Variants in STAG2 observed in about 807,000 individuals in gnomAD.
The protein encoded by STAG2 is STAG2 cohesin complex component.
STAG2 carries 14 observed loss-of-function variants against 108.1 expected under a neutral mutation model. The observed-to-expected ratio is 0.13, with a 90% CI of 0.09 to 0.20. The LOEUF is 0.20. STAG2 is among the 10% of genes least tolerant of loss of function. The probability of loss-of-function intolerance (pLI) is 1.00; values close to 1 mark genes in which losing one functional copy is unlikely to be tolerated. For missense variants in STAG2, 440 were observed against 940.9 expected, an observed-to-expected ratio of 0.47 and a Z score of 6.96; for synonymous variants, 307 against 302.7, an observed-to-expected ratio of 1.01 and a Z score of -0.15.
At chrX:124,018,661 C>T (rs1038114218) in intron 1 of STAG2, among the ~76,000 whole-genome samples, 1 of 110,284 alleles carries the variant, frequency 9.1e-6, no homozygotes, top group Non-Finnish European at 1.9e-5. Context: ...CCATCATGCC[C>T]GGCTGATTTT....
At chrX:123,978,442 A>G (rs1027841361) in intron 1 of STAG2, among the ~76,000 whole-genome samples, 4 of 110,767 alleles carry the variant, frequency 3.6e-5, no homozygotes, top group African/African-American at 1.3e-4. Context: ...ATGCTACACT[A>G]CCATACTGCT....
chrX:123,999,065 C>G (rs187483510), intron 1 of STAG2, among the ~76,000 whole-genome samples: 1 of 111,760 alleles, frequency 8.9e-6, no homozygotes, highest in Non-Finnish European at 1.9e-5. Flanking sequence ...TGACAGTGCT[C>G]TCCAGCCTGG....
At chrX:124,066,045 G>A (rs2058514802) in intron 21 of STAG2, 99 bp downstream of exon 21, 9 of 926,353 alleles carry the variant, frequency 9.7e-6, no homozygotes, top group Middle Eastern at 3.3e-4. Context: ...TGTTGTTGTC[G>A]TTGTGGGGGC....
chrX:124,047,333 A>ACTTTTACT, intron 8 of STAG2, 21 bp from the exon 9 acceptor site: 1 of 1,158,926 alleles, frequency 8.6e-7, no homozygotes. Context: ...GTTTCACCAT[A>ACTTTTACT]CTTTTACTCT....
chrX:124,056,650 G>A (rs772089083), intron 14 of STAG2, among the ~76,000 whole-genome samples: 13 of 101,520 alleles, frequency 1.3e-4, no homozygotes, highest in Admixed American at 5.5e-4. Flanking sequence ...GGAGAATGGC[G>A]TGAACTCGGG....
intron 10 of STAG2, among the ~76,000 whole-genome samples, chrX:124,049,300 C>T (rs865786702): frequency 1.8e-5 from 2 of 111,522 alleles, no homozygotes; most frequent in African/African-American, 6.5e-5. Context: ...GCTTGACTTG[C>T]AGCCAGTAGA....
intron 1 of STAG2, among the ~76,000 whole-genome samples, chrX:124,003,979 T>A (rs190300323): frequency 1.1e-3 from 124 of 112,174 alleles, no homozygotes; most frequent in African/African-American, 3.8e-3. Flanking sequence ...TTGCTTTAAC[T>A]TTTTTATGGT....
chrX:124,081,202 A>G (rs1259513501), intron 27 of STAG2, among the ~76,000 whole-genome samples, 178 bp from the exon 28 acceptor site: 1 of 112,335 alleles, frequency 8.9e-6, no homozygotes, highest in African/African-American at 3.2e-5. Flanking sequence ...AAAAACCTCC[A>G]GTTTAAATAT....
intron 9 of STAG2, among the ~76,000 whole-genome samples, chrX:124,048,225 T>A (rs969831248): frequency 8.9e-6 from 1 of 111,974 alleles, no homozygotes; most frequent in Non-Finnish European, 1.9e-5. Flanking sequence ...TAGCTAATTT[T>A]AAATTGGTTA....
intron 1 of STAG2, among the ~76,000 whole-genome samples, chrX:123,991,106 A>G (rs1021705136): frequency 3.1e-4 from 35 of 111,642 alleles, no homozygotes; most frequent in African/African-American, 1.0e-3. Flanking sequence ...CACTGGGGGG[A>G]GAGAGTATGT....
chrX:124,051,489 A>G (rs1410665249), intron 13 of STAG2, 95 bp downstream of exon 13: 8 of 588,570 alleles, frequency 1.4e-5, no homozygotes, highest in Non-Finnish European at 2.0e-5. Context: ...TCTAAATTTT[A>G]GTAGCTTACG....
At chrX:124,022,056 TACA>T (rs1458006996) in intron 2 of STAG2, among the ~76,000 whole-genome samples, 2 of 111,089 alleles carry the variant, frequency 1.8e-5, no homozygotes, top group African/African-American at 3.3e-5. Context: ...CTGCGAGTGT[TACA>T]ACAAGTCCAT....
chrX:124,101,536 T>G lies in STAG2; in HGVS notation c.*939T>G. ...TTATAATTGCGCAGTTTGTTTAGTT[T>G]TTTCTTACTTTTAAATTCCAACTTA... On this transcript the variant is annotated 3_prime_UTR_variant, in exon 35 of 35. Coordinates refer to ENST00000371145, the MANE Select transcript of STAG2 (RefSeq NM_001042750.2). The G allele has an allele frequency of 6.5e-6, 1 of 154,472 alleles. No individual in the cohort carries two copies. Among genetic ancestry groups the G allele is most frequent in the Non-Finnish European group, 1.3e-5 (1 of 78,323 alleles). The allele number at this position is 154,472 out of a possible 1,213,427, so 12.7% of individuals were successfully genotyped here.
rs1234415766 is a variant in STAG2, at chrX:123,984,140, C to T, written c.-163+22284C>T. Among the ~76,000 whole-genome samples the T allele has an allele frequency of 2.3e-4, 25 of 107,326 alleles. 1 individual carries two copies. The highest frequency in any genetic ancestry group is 5.8e-5 in the Non-Finnish European group (3 of 52,048). The allele number at this position is 107,326 out of a possible 115,157, so 93.2% of individuals were successfully genotyped here. A position where few individuals can be genotyped will look rare whatever the true frequency, so the allele number is the denominator to read the frequency against. On this transcript the variant is annotated intron_variant, in intron 1 of 34. Transcript: ENST00000371145. ...GATTACAGGCATGCGCCACCATGCC[C>T]GGCTAATTTTGTGTTTTTAGTAGAG...
At chrX:124,007,613 A>G (rs1233300022) in intron 1 of STAG2, among the ~76,000 whole-genome samples, 2 of 112,136 alleles carry the variant, frequency 1.8e-5, no homozygotes, top group Non-Finnish European at 3.8e-5. Context: ...CCTGTCTCGT[A>G]TATTTCTTTT....
chrX:124,029,527 T>G (rs1048352674), intron 4 of STAG2, among the ~76,000 whole-genome samples: 2 of 108,331 alleles, frequency 1.8e-5, no homozygotes, highest in African/African-American at 6.8e-5. Flanking sequence ...GCCAGGCTGG[T>G]CTCGAACTTC....
chrX:123,982,228 T>G (rs2054909843), intron 1 of STAG2, among the ~76,000 whole-genome samples: 1 of 107,283 alleles, frequency 9.3e-6, no homozygotes, highest in South Asian at 4.1e-4. Context: ...TCCTAGCTAC[T>G]CGAGAAGCTG....
intron 25 of STAG2, among the ~76,000 whole-genome samples, chrX:124,072,691 GTTGT>G (rs3072795): frequency 1.4e-3 from 143 of 104,243 alleles, no homozygotes; most frequent in Admixed American, 3.2e-3. Context: ...TGTTGTTGTT[GTTGT>G]TTGTTTGTTT....
At position 124,100,751 on chromosome X, in the gene STAG2, G is replaced by C. The variant is rs2059493600; in HGVS notation, c.*154G>C. On this transcript the variant is annotated 3_prime_UTR_variant, in exon 35 of 35. Transcript: ENST00000371145. ...CCAAGATCAAGTGCATTGAGGGGCA[G>C]TTTTGTTTGCCTGAATAAACGTAAA... 1 of 361,046 alleles carries C rather than the reference G, an allele frequency of 2.8e-6. No homozygotes were observed. The highest frequency in any genetic ancestry group is 4.8e-6 in the Non-Finnish European group (1 of 206,792). The allele number at this position is 361,046 out of a possible 1,213,427, so 29.8% of individuals were successfully genotyped here. A position where few individuals can be genotyped will look rare whatever the true frequency, so the allele number is the denominator to read the frequency against.
Sources: gnomAD v4.1 joint callset for allele counts (sites outside exome capture counted in the v4.1 genomes callset) on GRCh38, gnomAD v4.1.1 for gene constraint, MANE v1.5 for transcripts, NCBI Gene and HGNC (gene_info 2026-07-23, HGNC 2026-07-21) for gene names.